The following PTPRQ variants were observed in gnomAD, a reference collection of about 807,000 sequenced individuals.
PTPRQ encodes phosphatidylinositol phosphatase PTPRQ.
Under a neutral mutation model 246.0 loss-of-function variants are expected in PTPRQ, and 199 were observed. The observed-to-expected ratio is 0.81, with a 90% CI of 0.72 to 0.91. The LOEUF (loss-of-function observed/expected upper bound fraction) is 0.91, where lower values mean the gene tolerates loss of function less well. PTPRQ is among the 40% of genes least tolerant of loss of function. PTPRQ has a pLI of 0.00. For synonymous variants in PTPRQ, 869 were observed against 853.2 expected (o/e 1.02, Z -0.32); for missense variants, 2,624 against 2,528.4 (o/e 1.04, Z -0.81).
At chr12:80,448,510 G>C (rs1004783601) in intron 3 of PTPRQ, among the ~76,000 whole-genome samples, 15 of 151,928 alleles carry the variant, frequency 9.9e-5, no homozygotes, top group African/African-American at 3.1e-4. Flanking sequence ...ATCTCCCAAT[G>C]CTATCCCTCC....
chr12:80,555,306 G>T (rs1375488967), intron 25 of PTPRQ, among the ~76,000 whole-genome samples: 1 of 152,110 alleles, frequency 6.6e-6, no homozygotes, highest in Non-Finnish European at 1.5e-5. Context: ...CAATCCTTCT[G>T]CTTCAGCCTC....
At chr12:80,630,407 G>A (rs1019581071) in intron 33 of PTPRQ, among the ~76,000 whole-genome samples, 6 of 151,702 alleles carry the variant, frequency 4.0e-5, no homozygotes, top group Non-Finnish European at 5.9e-5. Context: ...TTGAGTATTC[G>A]CAGTCAACAT....
chr12:80,531,559 G>T (rs2120795943), intron 17 of PTPRQ, among the ~76,000 whole-genome samples: 1 of 152,252 alleles, frequency 6.6e-6, no homozygotes, highest in South Asian at 2.1e-4. Context: ...TCAGCACAGA[G>T]ATTTATGTGT....
Position 80,484,437 on chromosome 12 carries a change from A to G in PTPRQ, c.1191A>G (p.Pro397=). Residue 397 remains proline (P), a synonymous_variant, in exon 9 of 45, where the codon CCA becomes CCG. Coordinates refer to ENST00000644991, the MANE Select transcript of PTPRQ (RefSeq NM_001145026.2). ...CTTTCTTTCTTTCTTTCTTAGTTCC[A>G]GGGGCAGTGTTTGATTTACAACTTG... ...NISVFTPPDV[P]GAVFDLQLAE... 1 of 1,542,176 alleles carries G rather than the reference A, an allele frequency of 6.5e-7. No homozygotes were observed. The highest frequency in any genetic ancestry group is 8.7e-7 in the Non-Finnish European group (1 of 1,145,004).
At position 80,546,624 on chromosome 12, in the gene PTPRQ, T is replaced by A; in HGVS notation, c.3942T>A (p.Arg1314=). The change falls in exon 24 of 45, where the codon CGT becomes CGA. Residue 1314 remains arginine, a synonymous_variant. Coordinates refer to ENST00000644991, the MANE Select transcript of PTPRQ (RefSeq NM_001145026.2). The part of the protein sequence containing the change: ...GLEPVSTYSI[R]VSAFTKVGNG... ...AACCAGTCAGCACCTACTCTATCCG[T>A]GTATCTGCGTTCACCAAAGTTGGAA... 6.4e-7 allele frequency: 1 copy of A among 1,551,436 alleles called. No homozygotes were observed. Among genetic ancestry groups the A allele is most frequent in the Non-Finnish European group, 8.7e-7 (1 of 1,146,852 alleles).
chr12:80,530,816 A>C lies in PTPRQ; in HGVS notation c.2679-3199A>C, dbSNP rs1373464734. Among the ~76,000 whole-genome samples the C allele has an allele frequency of 3.3e-5, 5 of 152,272 alleles. No homozygotes were observed. The East Asian group carries it at 9.6e-4, about 29-fold the overall frequency. On this transcript the variant is annotated intron_variant, in intron 17 of 44. Coordinates refer to ENST00000644991, the MANE Select transcript of PTPRQ (RefSeq NM_001145026.2). ...TAAATAATTATAATTATTATAACTT[A>C]AAATTTGATACAGTAATCATTTTGG...
At chr12:80,631,870 C>T (rs901977720) in intron 33 of PTPRQ, among the ~76,000 whole-genome samples, 2 of 152,060 alleles carry the variant, frequency 1.3e-5, no homozygotes, top group Non-Finnish European at 2.9e-5. Flanking sequence ...AAAATAAAGA[C>T]GTCTGGTAGG....
At chr12:80,537,281 T>A (rs1370552408) in intron 19 of PTPRQ, among the ~76,000 whole-genome samples, 1 of 152,212 alleles carries the variant, frequency 6.6e-6, no homozygotes, top group East Asian at 1.9e-4. Flanking sequence ...GAAGAAAGCC[T>A]CAAAATGAAA....
intron 17 of PTPRQ, among the ~76,000 whole-genome samples, chr12:80,525,138 G>T (rs895885437): frequency 6.6e-6 from 1 of 152,142 alleles, no homozygotes; most frequent in African/African-American, 2.4e-5. Context: ...TGGATTACTG[G>T]TTAGTACAGT....
In PTPRQ at chr12:80,447,198, G is replaced by A. The variant is rs558954568; in HGVS notation, c.390+1481G>A. On this transcript the variant is annotated intron_variant, in intron 3 of 44. Transcript: ENST00000644991. ...TTATATACTTACTGGCCACTTGTGT[G>A]TCTTCTTTTGAGAAATGTCTGTTTA... 7.9e-5 allele frequency among the ~76,000 whole-genome samples: 12 copies of A among 152,108 alleles called. No homozygotes were observed. In the East Asian group the frequency reaches 2.3e-3, roughly 29 times the overall value.
chr12:80,495,398 G>T (rs1233167719), intron 12 of PTPRQ, 27 bp downstream of exon 12: 1 of 1,490,638 alleles, frequency 6.7e-7, no homozygotes, highest in Admixed American at 2.7e-5. Context: ...TGTTGTTGTT[G>T]TTGTTGTTCA....
At chr12:80,481,266 A>T (rs866513681) in intron 8 of PTPRQ, among the ~76,000 whole-genome samples, 2 of 152,236 alleles carry the variant, frequency 1.3e-5, no homozygotes, top group Non-Finnish European at 2.9e-5. Flanking sequence ...AGAACCAAAG[A>T]CAAAAATCAC....
chr12:80,631,875 G>T (rs1592738326), intron 33 of PTPRQ, among the ~76,000 whole-genome samples: 1 of 152,166 alleles, frequency 6.6e-6, no homozygotes, highest in East Asian at 1.9e-4. Flanking sequence ...AAAGACGTCT[G>T]GTAGGCAGTT....
chr12:80,505,104 G>A (rs2120692460), intron 14 of PTPRQ, among the ~76,000 whole-genome samples: 1 of 151,860 alleles, frequency 6.6e-6, no homozygotes, highest in South Asian at 2.1e-4. Context: ...TCTTTCAGCG[G>A]GCCCCAGGGT....
chr12:80,463,501 C>G (rs1226100903), intron 6 of PTPRQ, among the ~76,000 whole-genome samples: 1 of 152,058 alleles, frequency 6.6e-6, no homozygotes, highest in Non-Finnish European at 1.5e-5. Context: ...CATTCAGATT[C>G]AGGAAATACA....
chr12:80,482,090 A>G (rs1201029561), intron 8 of PTPRQ, among the ~76,000 whole-genome samples: 2 of 151,892 alleles, frequency 1.3e-5, no homozygotes, highest in Non-Finnish European at 2.9e-5. Context: ...CCAAAAGAAC[A>G]AAGCTGGAGG....
Position 80,620,368 on chromosome 12 carries a change from G to T in PTPRQ, c.5604G>T (p.Lys1868Asn). Residue 1868 changes from lysine (K) to asparagine (N), a missense_variant, in exon 32 of 45, where the codon AAG becomes AAT. Lys to Asn is a moderately conservative substitution (Grantham distance 94). Transcript: ENST00000644991. Reference protein sequence around the residue: ...KICNGPLKPKKQYLFKFRATN... With the variant: ...KICNGPLKPKNQYLFKFRATN... The stretch of plus-strand genomic sequence containing the variant: ...GCAATGGACCACTGAAACCAAAAAA[G>T]CAATACTTGTAAGTATAGGTTATAT... The T allele has an allele frequency of 6.5e-7, 1 of 1,548,812 alleles. No individual in the cohort carries two copies. Among genetic ancestry groups the T allele is most frequent in the African/African-American group, 1.4e-5 (1 of 72,878 alleles).
chr12:80,670,007 T>C (rs958538246), intron 41 of PTPRQ, among the ~76,000 whole-genome samples: 2 of 152,076 alleles, frequency 1.3e-5, no homozygotes, highest in African/African-American at 4.8e-5. Context: ...TACCTGTGTA[T>C]GGAATAATTT....
Position 80,541,679 on chromosome 12 carries a change from G to T in PTPRQ, c.3279G>T (p.Gln1093His). The T allele has an allele frequency of 6.4e-7, 1 of 1,551,302 alleles. No individual in the cohort carries two copies. The highest frequency in any genetic ancestry group is 8.7e-7 in the Non-Finnish European group (1 of 1,146,728). ...TCTACTATGTTTCACTGATCTTACA[G>T]CAGACTCCTCGCCATGTGAGACCAC... is the stretch of plus-strand genomic sequence containing the variant. Reference protein sequence around the residue: ...LVFYYVSLILQQTPRHVRPPL... With the variant: ...LVFYYVSLILHQTPRHVRPPL... Residue 1093 changes from glutamine (Q) to histidine (H), a missense_variant, in exon 21 of 45, where the codon CAG becomes CAT. Coordinates refer to ENST00000644991, the MANE Select transcript of PTPRQ (RefSeq NM_001145026.2).
Sources: allele counts gnomAD v4.1 joint callset (sites outside exome capture counted in the v4.1 genomes callset), GRCh38; gene constraint gnomAD v4.1.1; transcripts MANE v1.5; gene names NCBI Gene and HGNC (gene_info 2026-07-23, HGNC 2026-07-21).